The following NOTCH1 variants were observed in gnomAD, a reference collection of about 807,000 sequenced individuals.
NOTCH1 encodes notch receptor 1, also known as neurogenic locus notch homolog protein 1.
A neutral mutation model predicts 254.8 loss-of-function variants in NOTCH1; 37 were observed. The observed-to-expected ratio is 0.15, with a 90% CI of 0.11 to 0.19. NOTCH1 has a LOEUF of 0.19. Among genes scored for constraint, NOTCH1 ranks in the 10% least tolerant of loss-of-function variants. The probability of loss-of-function intolerance (pLI) is 1.00; values close to 1 mark genes in which losing one functional copy is unlikely to be tolerated. For missense variants in NOTCH1, 2,972 were observed against 3,708.6 expected (o/e 0.80, Z 5.16); for synonymous variants, 1,731 against 1,618.1 (o/e 1.07, Z -1.68).
At chr9:136,524,623 CCTTT>C (rs1210171504) in intron 2 of NOTCH1, among the ~76,000 whole-genome samples, 7 of 149,316 alleles carry the variant, frequency 4.7e-5, no homozygotes, top group South Asian at 2.1e-4. Context: ...TACGTGGAAG[CCTTT>C]CTTTTTCTTT....
intron 4 of NOTCH1, among the ~76,000 whole-genome samples, chr9:136,521,934 C>T (rs1843372198): frequency 6.6e-6 from 1 of 152,182 alleles, no homozygotes; most frequent in African/African-American, 2.4e-5. Context: ...ACCTAACAGC[C>T]ATTCTGTGCA....
At chr9:136,510,845 CT>C (rs1843170234) in intron 16 of NOTCH1, 40 bp from the exon 17 acceptor site, 1 of 1,602,846 alleles carries the variant, frequency 6.2e-7, no homozygotes, top group Non-Finnish European at 8.5e-7. Flanking sequence ...CCAGCGGCCC[CT>C]GGCCCTCCAG....
chr9:136,503,291 C>T lies in NOTCH1; in HGVS notation c.5058G>A (p.Val1686=), dbSNP rs2133333589. The T allele has an allele frequency of 1.2e-6, 2 of 1,612,992 alleles. No individual in the cohort carries two copies. The highest frequency in any genetic ancestry group is 1.7e-6 in the Non-Finnish European group (2 of 1,179,918). The change falls in exon 27 of 34, where the codon GTG becomes GTA. Residue 1686 remains valine (V), a synonymous_variant. Transcript: ENST00000651671. The part of the protein sequence containing the change: ...VYLEIDNRQC[V]QASSQCFQSA... ...TCTGGAAGCACTGCGAGGAGGCCTG[C>T]ACACACTGCCGGTTGTCAATCTCCA... is the stretch of plus-strand genomic sequence containing the variant.
Position 136,502,087 on chromosome 9 carries a change from G to C in NOTCH1, c.5386C>G (p.Pro1796Ala), listed in dbSNP as rs1216304049. 1.2e-6 allele frequency: 2 copies of C among 1,613,100 alleles called. No individual in the cohort carries two copies. The highest frequency in any genetic ancestry group is 2.2e-5 in the East Asian group (1 of 44,862). ...GCACCGTCTGAAGCGTTCTTCAGGG[G>C]CCTGGGGGGTGAGGGGTCGAGAAGT... ...PLGEDSVGLK[P>A]LKNASDGALM... Residue 1796 changes from proline (P) to alanine (A), a missense_variant and splice_region_variant, in exon 29 of 34, where the codon CCC becomes GCC. This residue lies in a region of NOTCH1 where 421 missense variants were observed against 604.4 expected (regional missense o/e 0.70). Coordinates refer to ENST00000651671, the MANE Select transcript of NOTCH1 (RefSeq NM_017617.5).
intron 2 of NOTCH1, among the ~76,000 whole-genome samples, chr9:136,527,233 G>A (rs1393671976): frequency 2.6e-5 from 4 of 152,156 alleles, no homozygotes; most frequent in Non-Finnish European, 5.9e-5. Flanking sequence ...CCTGCCCTCC[G>A]CACAGCACCC....
chr9:136,497,175 G>A lies in NOTCH1; in HGVS notation c.6564C>T (p.Gly2188=), dbSNP rs747353119. The A allele has an allele frequency of 1.9e-6, 3 of 1,612,808 alleles. No individual in the cohort carries two copies. The highest frequency in any genetic ancestry group is 2.5e-6 in the Non-Finnish European group (3 of 1,179,962). Residue 2188 remains glycine (G), a synonymous_variant, in exon 34 of 34, where the codon GGC becomes GGT. Transcript: ENST00000651671. Reference sequence around the variant, plus strand: ...GCATGCCGGAGCTGTCCAGCAGGCAGCCCTTGCCGTCCTGGGACTTCTTCC... The same window carrying A: ...GCATGCCGGAGCTGTCCAGCAGGCAACCCTTGCCGTCCTGGGACTTCTTCC... ...ARRKKSQDGK[G]CLLDSSGMLS...
chr9:136,508,976 ACAT>A lies in NOTCH1; in HGVS notation c.3062_3064del (p.Asp1021del). The A allele has an allele frequency of 6.4e-7, 1 of 1,556,998 alleles. No homozygotes were observed. Among genetic ancestry groups the A allele is most frequent in the Non-Finnish European group, 8.7e-7 (1 of 1,151,116 alleles). The stretch of plus-strand genomic sequence containing the variant: ...GCAGGGCTGTGAGTCGCACTCATTG[ACAT>A]CGTGCTGGCAGTAGCTGCCCGTGAA... On this transcript the variant is annotated inframe_deletion, in exon 19 of 34. Transcript: ENST00000651671.
intron 2 of NOTCH1, among the ~76,000 whole-genome samples, chr9:136,529,108 C>A (rs1330838161): frequency 6.6e-6 from 1 of 152,234 alleles, no homozygotes; most frequent in East Asian, 1.9e-4. Context: ...CCCAGCAAGG[C>A]TGACCACCTT....
intron 27 of NOTCH1, 163 bp downstream of exon 27, chr9:136,503,019 G>C (rs1260989227): frequency 9.8e-7 from 1 of 1,017,180 alleles, no homozygotes; most frequent in Non-Finnish European, 1.5e-6. Flanking sequence ...GCAGGTGGGG[G>C]CGGAGTGCCA....
At position 136,496,504 on chromosome 9, in the gene NOTCH1, G is replaced by C. The variant is rs1842916921; in HGVS notation, c.7235C>G (p.Pro2412Arg). 3 of 1,602,706 alleles carry C rather than the reference G, an allele frequency of 1.9e-6. No homozygotes were observed. The highest frequency in any genetic ancestry group is 2.5e-6 in the Non-Finnish European group (3 of 1,179,910). ...GCCAAGGTGCGGCTGTGGTGGTGGT[G>C]GTGGCGGCTGCAGGCTTTGCTGCTG... Reference protein sequence around the residue: ...IQQQQSLQPPPPPPQPHLGVS... With the variant: ...IQQQQSLQPPRPPPQPHLGVS... Residue 2412 changes from proline to arginine, a missense_variant, in exon 34 of 34, where the codon CCA (proline) becomes CGA (arginine). This residue lies in a region of NOTCH1 where 529 missense variants were observed against 529.2 expected (regional missense o/e 1.00). Transcript: ENST00000651671.
intron 4 of NOTCH1, among the ~76,000 whole-genome samples, chr9:136,520,825 C>T (rs1379638663): frequency 6.6e-6 from 1 of 152,178 alleles, no homozygotes; most frequent in Non-Finnish European, 1.5e-5. Flanking sequence ...AGATGGGGCC[C>T]CTGGCTGGGC....
chr9:136,514,368 C>A, intron 13 of NOTCH1, 142 bp downstream of exon 13: 1 of 875,898 alleles, frequency 1.1e-6, no homozygotes, highest in South Asian at 1.5e-5. Context: ...ATGTGCGTCC[C>A]CGAGGGGAGC....
At chr9:136,507,915 T>G in intron 21 of NOTCH1, 40 bp downstream of exon 21, 1 of 1,602,724 alleles carries the variant, frequency 6.2e-7, no homozygotes, top group Non-Finnish European at 8.5e-7. Context: ...GTGGCAACAC[T>G]CGTGCCGGCC....
chr9:136,544,062 G>T lies in NOTCH1; in HGVS notation c.102C>A (p.Gly34=). ...CSQPGETCLN[G]GKCEAANGTE... is the part of the protein sequence containing the mutation. Reference sequence around the variant, plus strand: ...TGCCATTGGCCGCTTCACACTTCCCGCCATTCAGGCAGGTCTCACCGGGCT... The same window carrying T: ...TGCCATTGGCCGCTTCACACTTCCCTCCATTCAGGCAGGTCTCACCGGGCT... The change falls in exon 2 of 34, where the codon GGC becomes GGA. Residue 34 remains glycine (G), a synonymous_variant. Coordinates refer to ENST00000651671, the MANE Select transcript of NOTCH1 (RefSeq NM_017617.5). The T allele has an allele frequency of 6.3e-7, 1 of 1,581,290 alleles. No homozygotes were observed. Among genetic ancestry groups the T allele is most frequent in the Non-Finnish European group, 8.6e-7 (1 of 1,164,890 alleles).
Position 136,496,954 on chromosome 9 carries a change from C to A in NOTCH1, c.6785G>T (p.Gly2262Val). The change falls in exon 34 of 34, where the codon GGC (glycine) becomes GTC (valine). Residue 2262 changes from glycine (G) to valine (V), a missense_variant. Transcript: ENST00000651671. ...TGGGCCAGTCTCAAAGGCCAGCCGG[C>A]CGCCCCCACCCAGCGCCGCCATCTC... ...KPEMAALGGG[G>V]RLAFETGPPR... 6.2e-7 allele frequency: 1 copy of A among 1,610,796 alleles called. No homozygotes were observed. The highest frequency in any genetic ancestry group is 8.5e-7 in the Non-Finnish European group (1 of 1,179,294).
At chr9:136,507,006 C>T (rs1843098255) in intron 22 of NOTCH1, 33 bp from the exon 23 acceptor site, 1 of 1,584,584 alleles carries the variant, frequency 6.3e-7, no homozygotes, top group South Asian at 1.1e-5. Flanking sequence ...TGGCCCAAGC[C>T]CGCCACACCC....
In NOTCH1 at chr9:136,508,082, G is replaced by T; in HGVS notation, c.3383C>A (p.Thr1128Lys). 6.2e-7 allele frequency: 1 copy of T among 1,609,996 alleles called. No individual in the cohort carries two copies. The highest frequency in any genetic ancestry group is 8.5e-7 in the Non-Finnish European group (1 of 1,179,962). Residue 1128 changes from threonine to lysine, a missense_variant, in exon 21 of 34, where the codon ACG becomes AAG. Thr to Lys is a moderately conservative substitution (Grantham distance 78). Around this residue, in one of 8 missense-constraint regions of NOTCH1, gnomAD observed 1,343 missense variants for 1,557.0 expected, o/e 0.86. Coordinates refer to ENST00000651671, the MANE Select transcript of NOTCH1 (RefSeq NM_017617.5). The stretch of plus-strand genomic sequence containing the variant: ...GCCCGCCTGGCAGCGGCAGTGGTGC[G>T]TGTTGCCCGCGTCCACACAGAGCCC... ...HGGLCVDAGN[T>K]HHCRCQAGYT...
chr9:136,508,448 C>T lies in NOTCH1; in HGVS notation c.3172-63G>A, dbSNP rs894205754. 2.3e-5 allele frequency: 37 copies of T among 1,609,082 alleles called. No homozygotes were observed. In the Admixed American group the frequency reaches 2.5e-4, roughly 11 times the overall value. ...CGGCCATTTCCCCGGTAGCTCAGAA[C>T]GCACATCTGCCAAGGGGCCTACTCC... On this transcript the variant is annotated intron_variant, in intron 19 of 33. Transcript: ENST00000651671.
chr9:136,507,155 T>A (rs1230291422), intron 22 of NOTCH1, 150 bp downstream of exon 22: 3 of 1,484,658 alleles, frequency 2.0e-6, no homozygotes, highest in Admixed American at 3.6e-5. Flanking sequence ...GCCCTTTCCC[T>A]GGGCAGCTGT....
Sources: gnomAD v4.1 joint callset for allele counts (sites outside exome capture counted in the v4.1 genomes callset) on GRCh38, gnomAD v4.1.1 for gene constraint, gnomAD v4.1.1 regional missense constraint, MANE v1.5 for transcripts, NCBI Gene and HGNC (gene_info 2026-07-23, HGNC 2026-07-21) for gene names.